The following SH3BGRL2 variants were observed in gnomAD, a reference collection of about 807,000 sequenced individuals.
SH3BGRL2 encodes the protein SH3 domain-binding glutamic acid-rich-like protein 2.
Under a neutral mutation model 14.8 loss-of-function variants are expected in SH3BGRL2, and 21 were observed. The ratio of observed to expected loss-of-function variants is 1.42; its 90% CI spans 1.01 to 2.05. SH3BGRL2 has a LOEUF of 2.05. SH3BGRL2 is among the 30% of genes most tolerant of loss of function. SH3BGRL2 has a pLI of 0.00. For missense variants in SH3BGRL2, 147 were observed against 130.8 expected (o/e 1.12, Z -0.61); for synonymous variants, 50 against 47.8 (o/e 1.05, Z -0.19).
the SH3BGRL2 span, among the ~76,000 whole-genome samples, chr6:79,584,274 C>T: frequency 6.6e-6 from 1 of 152,140 alleles, no homozygotes; most frequent in African/African-American, 2.4e-5. Context: ...AAGCAGCTGT[C>T]ATATGAATGC....
intron 2 of SH3BGRL2, among the ~76,000 whole-genome samples, chr6:79,693,219 C>G (rs1770261903): frequency 6.6e-6 from 1 of 152,206 alleles, no homozygotes; most frequent in Non-Finnish European, 1.5e-5. Flanking sequence ...TATCCTGAGA[C>G]TTTGCTGAAG....
chr6:79,568,411 A>G, the SH3BGRL2 span, among the ~76,000 whole-genome samples: 41 of 152,340 alleles, frequency 2.7e-4, no homozygotes, highest in East Asian at 3.1e-3. Context: ...TGAATAGACT[A>G]TAGCTTCATG....
At chr6:79,650,108 T>C (rs564350319) in intron 1 of SH3BGRL2, among the ~76,000 whole-genome samples, 1 of 151,828 alleles carries the variant, frequency 6.6e-6, no homozygotes, top group African/African-American at 2.4e-5. Context: ...ATAGAGAAAT[T>C]TGAGGTGGAG....
the SH3BGRL2 span, among the ~76,000 whole-genome samples, chr6:79,603,847 C>G: frequency 4.6e-5 from 7 of 152,254 alleles, no homozygotes; most frequent in African/African-American, 1.7e-4. Flanking sequence ...CTCTGTTACC[C>G]AGGCTGGAGT....
intron 2 of SH3BGRL2, among the ~76,000 whole-genome samples, chr6:79,675,432 C>T (rs1488874216): frequency 3.3e-5 from 5 of 152,114 alleles, no homozygotes; most frequent in Admixed American, 6.6e-5. Context: ...TGGTGAATTA[C>T]TATGGTATGA....
At chr6:79,558,931 A>G in the SH3BGRL2 span, among the ~76,000 whole-genome samples, 2 of 152,258 alleles carry the variant, frequency 1.3e-5, no homozygotes, top group African/African-American at 4.8e-5. Flanking sequence ...GAGAAGAAGG[A>G]GGTGGTGGAG....
At chr6:79,676,623 G>GTGTGTGTT (rs1769887687) in intron 2 of SH3BGRL2, among the ~76,000 whole-genome samples, 2 of 128,354 alleles carry the variant, frequency 1.6e-5, no homozygotes, top group African/African-American at 5.4e-5. Context: ...GTGTGTGTGT[G>GTGTGTGTT]TGTGTGTGTG....
the SH3BGRL2 span, among the ~76,000 whole-genome samples, chr6:79,605,948 A>C: frequency 6.6e-6 from 1 of 152,208 alleles, no homozygotes; most frequent in Non-Finnish European, 1.5e-5. Flanking sequence ...TCAACTGTCA[A>C]CTTAATTATA....
At chr6:79,695,752 T>G (rs1429010689) in intron 2 of SH3BGRL2, among the ~76,000 whole-genome samples, 1 of 152,246 alleles carries the variant, frequency 6.6e-6, no homozygotes, top group Non-Finnish European at 1.5e-5. Context: ...CATCATTTGC[T>G]TACATTATTT....
intron 2 of SH3BGRL2, among the ~76,000 whole-genome samples, chr6:79,677,714 A>C (rs1281111497): frequency 6.6e-6 from 1 of 152,170 alleles, no homozygotes; most frequent in Non-Finnish European, 1.5e-5. Flanking sequence ...ATAATTCATA[A>C]TTCCTCTCCC....
chr6:79,673,250 C>G (rs1769808649), intron 1 of SH3BGRL2, among the ~76,000 whole-genome samples: 1 of 152,002 alleles, frequency 6.6e-6, no homozygotes, highest in African/African-American at 2.4e-5. Flanking sequence ...AATTGTGCTC[C>G]AGAGTTCTGG....
intron 2 of SH3BGRL2, among the ~76,000 whole-genome samples, chr6:79,676,018 A>G (rs1304045190): frequency 2.0e-5 from 3 of 152,136 alleles, no homozygotes; most frequent in African/African-American, 7.2e-5. Flanking sequence ...GGGATGACTC[A>G]GTAGCCTGTT....
the SH3BGRL2 span, among the ~76,000 whole-genome samples, chr6:79,566,143 C>G: frequency 6.6e-6 from 1 of 152,112 alleles, no homozygotes; most frequent in Non-Finnish European, 1.5e-5. Context: ...TCTTTCAGCC[C>G]AGAACCGGTG....
chr6:79,591,228 A>T, the SH3BGRL2 span, among the ~76,000 whole-genome samples: 1 of 152,310 alleles, frequency 6.6e-6, no homozygotes, highest in Admixed American at 6.5e-5. Context: ...CATATAGAGG[A>T]GTATTTTATA....
intron 1 of SH3BGRL2, among the ~76,000 whole-genome samples, chr6:79,635,118 TG>T (rs1482938388): frequency 6.6e-6 from 1 of 152,206 alleles, no homozygotes; most frequent in African/African-American, 2.4e-5. Flanking sequence ...TGGAGCTGCC[TG>T]GCAGTGGGGG....
intron 1 of SH3BGRL2, among the ~76,000 whole-genome samples, chr6:79,649,228 C>T (rs1360745085): frequency 6.6e-6 from 1 of 152,142 alleles, no homozygotes; most frequent in East Asian, 1.9e-4. Flanking sequence ...AGCAGACTTA[C>T]ATTTGAATGG....
the SH3BGRL2 span, among the ~76,000 whole-genome samples, chr6:79,619,091 G>C: frequency 4.4e-3 from 663 of 151,722 alleles, 9 homozygotes; most frequent in African/African-American, 0.015. Flanking sequence ...GCCATTATTT[G>C]AATTTGAGCC....
Position 79,670,026 on chromosome 6 carries a change from C to G in SH3BGRL2, c.46-3588C>G, listed in dbSNP as rs188465726. Among the ~76,000 whole-genome samples the G allele has an allele frequency of 2.2e-3, 330 of 152,340 alleles. 2 individuals carry two copies. Among genetic ancestry groups the G allele is most frequent in the Middle Eastern group, 0.014 (4 of 294 alleles). On this transcript the variant is annotated intron_variant, in intron 1 of 3. Transcript: ENST00000369838. ...TAGGCATTGGGGGATCACACAGTCT[C>G]TGTTGTAACTTCTGAACTCTGCCAT...
chr6:79,698,361 A>T (rs893412911), intron 3 of SH3BGRL2, among the ~76,000 whole-genome samples: 5 of 152,228 alleles, frequency 3.3e-5, no homozygotes, highest in African/African-American at 1.2e-4. Context: ...GTGATTCATC[A>T]TACAGTCTAT....
Sources: gnomAD v4.1 joint callset for allele counts (sites outside exome capture counted in the v4.1 genomes callset) on GRCh38, gnomAD v4.1.1 for gene constraint, MANE v1.5 for transcripts, NCBI Gene and HGNC (gene_info 2026-07-23, HGNC 2026-07-21) for gene names.